The following GALNT18 variants were observed in gnomAD, a reference collection of about 807,000 sequenced individuals.
GALNT18 encodes the protein polypeptide N-acetylgalactosaminyltransferase 18.
Under a neutral mutation model 69.5 loss-of-function variants are expected in GALNT18, and 44 were observed. That is an observed-to-expected ratio of 0.63 (90% CI 0.50 to 0.81). The LOEUF (loss-of-function observed/expected upper bound fraction) is 0.81, where lower values mean the gene tolerates loss of function less well. Ranked by LOEUF, GALNT18 falls within the 40% of genes least tolerant of loss-of-function variation. GALNT18 has a pLI of 0.00. For missense variants in GALNT18, 715 were observed against 810.0 expected, an observed-to-expected ratio of 0.88 and a Z score of 1.42; for synonymous variants, 364 against 318.2, an observed-to-expected ratio of 1.14 and a Z score of -1.53.
At chr11:11,545,636 A>T (rs1454482450) in intron 1 of GALNT18, among the ~76,000 whole-genome samples, 2 of 152,256 alleles carry the variant, frequency 1.3e-5, no homozygotes, top group African/African-American at 4.8e-5. Context: ...AGCAGTTGCC[A>T]CAGGACCAAG....
intron 10 of GALNT18, among the ~76,000 whole-genome samples, chr11:11,287,993 G>A (rs1849224980): frequency 1.3e-5 from 2 of 152,098 alleles, no homozygotes; most frequent in Non-Finnish European, 2.9e-5. Context: ...TGGCAACCAA[G>A]TCCTCCTATC....
intron 10 of GALNT18, among the ~76,000 whole-genome samples, chr11:11,274,937 C>T (rs554665153): frequency 2.6e-5 from 4 of 152,304 alleles, no homozygotes; most frequent in South Asian, 2.1e-4. Context: ...TTTGTTTATC[C>T]AGTCTAGTGT....
At chr11:11,411,955 C>A (rs1379803207) in intron 3 of GALNT18, among the ~76,000 whole-genome samples, 5 of 152,212 alleles carry the variant, frequency 3.3e-5, no homozygotes, top group African/African-American at 1.2e-4. Flanking sequence ...AATGGGACCT[C>A]ATATCCCGGG....
At chr11:11,550,682 T>G (rs1250183520) in intron 1 of GALNT18, among the ~76,000 whole-genome samples, 2 of 152,204 alleles carry the variant, frequency 1.3e-5, no homozygotes, top group African/African-American at 2.4e-5. Context: ...AGCAGCATTA[T>G]CCAACAGAAC....
Position 11,339,083 on chromosome 11 carries a change from T to G in GALNT18, c.1278+1736A>C, listed in dbSNP as rs899568243. On this transcript the variant is annotated intron_variant, in intron 7 of 10. Coordinates refer to ENST00000227756, the MANE Select transcript of GALNT18 (RefSeq NM_198516.3). The surrounding 1 kb of genome is among the most constrained non-coding windows in gnomAD (Gnocchi z 5.2). ...GATTGGGAGATGAAGAAATATTGAC[T>G]CTGTACAAGTTTGATAAGAGGAAGG... is the stretch of plus-strand genomic sequence containing the variant. Among the ~76,000 whole-genome samples, 1 of 152,158 alleles carries G rather than the reference T, an allele frequency of 6.6e-6. No individual in the cohort carries two copies. Among genetic ancestry groups the G allele is most frequent in the Non-Finnish European group, 1.5e-5 (1 of 68,040 alleles).
Position 11,584,516 on chromosome 11 carries a change from C to T in GALNT18, c.235+36843G>A, listed in dbSNP as rs1042060139. ...GATGGAGGCAGAGCTCAGAGAAGCA[C>T]GTCTGAACACGTAAGGACCGAGAGG... On this transcript the variant is annotated intron_variant, in intron 1 of 10. Transcript: ENST00000227756. This position sits in a 1 kb window ranked among gnomAD's most constrained non-coding sequence, Gnocchi z 4.1. Among the ~76,000 whole-genome samples, 9 of 152,228 alleles carry T rather than the reference C, an allele frequency of 5.9e-5. No individual in the cohort carries two copies. Among genetic ancestry groups the T allele is most frequent in the African/African-American group, 1.7e-4 (7 of 41,534 alleles).
chr11:11,471,308 G>T (rs1048720778), intron 1 of GALNT18, among the ~76,000 whole-genome samples: 4 of 152,130 alleles, frequency 2.6e-5, no homozygotes, highest in African/African-American at 9.7e-5. Context: ...GTAAATAAAT[G>T]AAAGAACAAA....
chr11:11,542,786 G>A lies in GALNT18; in HGVS notation c.235+78573C>T, dbSNP rs551388509. ...GCCCCTTTCTTCATTATTTCTGATC[G>A]ATCTGCTTTTGATAGCACTTTCCAA... On this transcript the variant is annotated intron_variant, in intron 1 of 10. Transcript: ENST00000227756. The surrounding 1 kb of genome is among the most constrained non-coding windows in gnomAD (Gnocchi z 4.3). Among the ~76,000 whole-genome samples the A allele has an allele frequency of 4.6e-5, 7 of 152,120 alleles. No individual in the cohort carries two copies. The highest frequency in any genetic ancestry group is 9.7e-5 in the African/African-American group (4 of 41,430).
At chr11:11,503,665 G>C (rs1857015242) in intron 1 of GALNT18, among the ~76,000 whole-genome samples, 1 of 152,202 alleles carries the variant, frequency 6.6e-6, no homozygotes, top group Admixed American at 6.5e-5. Flanking sequence ...CTAATTTTGA[G>C]TCAAAACTAC....
chr11:11,465,578 G>A lies in GALNT18; in HGVS notation c.236-16642C>T, dbSNP rs529906782. ...AGGAAGGGTCTTGAGAATGGCCTCCGGGAACCAGAGAGGCCTGGAGGTGAC... is the reference window on the plus strand; with the variant it reads ...AGGAAGGGTCTTGAGAATGGCCTCCAGGAACCAGAGAGGCCTGGAGGTGAC... On this transcript the variant is annotated intron_variant, in intron 1 of 10. Transcript: ENST00000227756. This position sits in a 1 kb window ranked among gnomAD's most constrained non-coding sequence, Gnocchi z 5.7. 2.4e-4 allele frequency among the ~76,000 whole-genome samples: 37 copies of A among 152,220 alleles called. No homozygotes were observed. Among genetic ancestry groups the A allele is most frequent in the South Asian group, 1.0e-3 (5 of 4,820 alleles).
rs1362504035 is a variant in GALNT18, at chr11:11,604,346, C to T, written c.235+17013G>A. 2.6e-5 allele frequency among the ~76,000 whole-genome samples: 4 copies of T among 152,224 alleles called. No individual in the cohort carries two copies. Among genetic ancestry groups the T allele is most frequent in the Admixed American group, 2.6e-4 (4 of 15,280 alleles). On this transcript the variant is annotated intron_variant, in intron 1 of 10. Coordinates refer to ENST00000227756, the MANE Select transcript of GALNT18 (RefSeq NM_198516.3). This position sits in a 1 kb window ranked among gnomAD's most constrained non-coding sequence, Gnocchi z 5.6. ...CACTGTGCTGACCACGCCATCCACA[C>T]AGCTGGGTCTCAGTTTCAGAATCAG...
chr11:11,483,571 A>G (rs955489746), intron 1 of GALNT18, among the ~76,000 whole-genome samples: 7 of 152,210 alleles, frequency 4.6e-5, no homozygotes, highest in African/African-American at 1.4e-4. Context: ...ACCCTGGCCC[A>G]GCCTGCTCCT....
Position 11,393,418 on chromosome 11 carries a change from CT to C in GALNT18, c.596-14155del, listed in dbSNP as rs1157573608. Among the ~76,000 whole-genome samples the C allele has an allele frequency of 9.8e-5, 15 of 152,296 alleles. No homozygotes were observed. The South Asian group carries it at 2.7e-3, about 27-fold the overall frequency. Reference sequence around the variant, plus strand: ...ACTTCTGGAAACCTTGTGTATTTTTCTGTTTGTTTGTTTGTTTGTTTGCTTT... The same window carrying C: ...ACTTCTGGAAACCTTGTGTATTTTTCGTTTGTTTGTTTGTTTGTTTGCTTT... On this transcript the variant is annotated intron_variant, in intron 3 of 10. Coordinates refer to ENST00000227756, the MANE Select transcript of GALNT18 (RefSeq NM_198516.3).
At chr11:11,420,155 C>T (rs959637214) in intron 3 of GALNT18, among the ~76,000 whole-genome samples, 30 of 152,108 alleles carry the variant, frequency 2.0e-4, no homozygotes, top group African/African-American at 6.3e-4. Context: ...AAACAAACCT[C>T]CCTCACCAAA....
intron 7 of GALNT18, among the ~76,000 whole-genome samples, chr11:11,334,936 G>C (rs113017546): frequency 1.3e-5 from 2 of 152,184 alleles, no homozygotes; most frequent in African/African-American, 2.4e-5. Context: ...CTTCCACTCC[G>C]ACCCTAAAGC....
Position 11,318,782 on chromosome 11 carries a change from G to A in GALNT18, c.1512+8304C>T, listed in dbSNP as rs536974040. Among the ~76,000 whole-genome samples, 1 of 152,118 alleles carries A rather than the reference G, an allele frequency of 6.6e-6. No homozygotes were observed. Among genetic ancestry groups the A allele is most frequent in the Non-Finnish European group, 1.5e-5 (1 of 68,026 alleles). ...CTAGAAATAAGGCAAAAACAAAGAG[G>A]GGAAGTGGCCTGTCCTTTTAATATT... On this transcript the variant is annotated intron_variant, in intron 9 of 10. Transcript: ENST00000227756. This position sits in a 1 kb window ranked among gnomAD's most constrained non-coding sequence, Gnocchi z 5.1.
chr11:11,389,101 C>T lies in GALNT18; in HGVS notation c.596-9837G>A. On this transcript the variant is annotated intron_variant, in intron 3 of 10. Transcript: ENST00000227756. This position sits in a 1 kb window ranked among gnomAD's most constrained non-coding sequence, Gnocchi z 4.3. ...AACCCAGGCAACCTGAAGATAATAA[C>T]CTCATTATTATCTTCAAACGGCAAA... Among the ~76,000 whole-genome samples, 1 of 152,132 alleles carries T rather than the reference C, an allele frequency of 6.6e-6. No homozygotes were observed. Among genetic ancestry groups the T allele is most frequent in the East Asian group, 1.9e-4 (1 of 5,190 alleles).
At chr11:11,612,858 T>C (rs561019650) in intron 1 of GALNT18, among the ~76,000 whole-genome samples, 1 of 152,354 alleles carries the variant, frequency 6.6e-6, no homozygotes, top group South Asian at 2.1e-4. Context: ...CTTCTCTGGA[T>C]CTTCCCAAAC....
rs557285530 is a variant in GALNT18, at chr11:11,344,720, G to A, written c.1093-3716C>T. Among the ~76,000 whole-genome samples, 3 of 152,316 alleles carry A rather than the reference G, an allele frequency of 2.0e-5. No homozygotes were observed. In the South Asian group the frequency reaches 6.2e-4, roughly 32 times the overall value. ...CTGTGGGTGAGGGGATGCAGTGTGG[G>A]TAAGTGTTTAACACTGAGCCTACCT... On this transcript the variant is annotated intron_variant, in intron 6 of 10. Transcript: ENST00000227756.
Sources: gnomAD v4.1 joint callset for allele counts (sites outside exome capture counted in the v4.1 genomes callset) on GRCh38, gnomAD v4.1.1 for gene constraint, Gnocchi (gnomAD v3.1) non-coding constraint, MANE v1.5 for transcripts, NCBI Gene and HGNC (gene_info 2026-07-23, HGNC 2026-07-21) for gene names.